ZNF680: variants seen among roughly 807,000 people sequenced by gnomAD.
ZNF680 encodes the protein hypothetical protein FLJ90430.
A neutral mutation model predicts 12.1 loss-of-function variants in ZNF680; 6 were observed. The observed-to-expected ratio is 0.49, with a 90% CI of 0.27 to 0.98. The LOEUF is 0.98. ZNF680 is among the 50% of genes least tolerant of loss of function. The pLI is 0.12. For missense variants in ZNF680, 561 were observed against 616.3 expected (o/e 0.91, Z 0.95); for synonymous variants, 170 against 199.3 (o/e 0.85, Z 1.24).
In ZNF680 at chr7:64,563,062, A is replaced by C; in HGVS notation, c.-108T>G. 7.5e-7 allele frequency: 1 copy of C among 1,334,290 alleles called. No homozygotes were observed. Among genetic ancestry groups the C allele is most frequent in the Non-Finnish European group, 1.1e-6 (1 of 943,052 alleles). 82.7% of individuals were successfully genotyped at this position (1,334,290 alleles called of 1,614,324 possible). On this transcript the variant is annotated 5_prime_UTR_variant, in exon 1 of 4. Coordinates refer to ENST00000309683, the MANE Select transcript of ZNF680 (RefSeq NM_178558.5). ...AGACTAGACCTGGAGCTCCCGCAGC[A>C]GCTAGAGACAAAGGCCCCGCCAAAT...
At chr7:64,557,376 G>GAAA (rs1214199776) in intron 1 of ZNF680, among the ~76,000 whole-genome samples, 2 of 150,764 alleles carry the variant, frequency 1.3e-5, no homozygotes, top group Non-Finnish European at 2.9e-5. Flanking sequence ...CCAACATGGT[G>GAAA]AAACCCCGTC....
the ZNF680 span, among the ~76,000 whole-genome samples, chr7:64,505,456 A>G: frequency 8.5e-5 from 13 of 152,186 alleles, no homozygotes; most frequent in African/African-American, 2.9e-4. Flanking sequence ...CTTTTTCATA[A>G]TAAGTTCAAT....
chr7:64,509,497 CAG>C, the ZNF680 span, among the ~76,000 whole-genome samples: 17 of 152,174 alleles, frequency 1.1e-4, no homozygotes, highest in Admixed American at 3.9e-4. Context: ...TCAAACGAGA[CAG>C]AAATTTTATG....
intron 3 of ZNF680, among the ~76,000 whole-genome samples, chr7:64,540,303 CTTT>C (rs61265238): frequency 4.6e-5 from 6 of 129,112 alleles, no homozygotes; most frequent in Admixed American, 7.9e-5. Context: ...CTGATTTATC[CTTT>C]TTTTTTTTTT....
intron 1 of ZNF680, among the ~76,000 whole-genome samples, chr7:64,562,623 A>G (rs192140913): frequency 2.6e-5 from 4 of 152,346 alleles, no homozygotes; most frequent in Non-Finnish European, 5.9e-5. Flanking sequence ...CTTCCCATTT[A>G]TGAACCCTGC....
intron 1 of ZNF680, among the ~76,000 whole-genome samples, chr7:64,561,639 A>G (rs1004292991): frequency 6.6e-6 from 1 of 152,202 alleles, no homozygotes; most frequent in African/African-American, 2.4e-5. Context: ...TATAGTATCA[A>G]AAATGTACAC....
At chr7:64,515,123 A>G (rs889578023), downstream of ZNF680, among the ~76,000 whole-genome samples, 2 of 152,084 alleles carry the variant, frequency 1.3e-5, no homozygotes, top group Non-Finnish European at 2.9e-5. Flanking sequence ...TTTCAAAGTA[A>G]GTAAGAATTT....
At chr7:64,528,715 C>T (rs1410094602) in intron 3 of ZNF680, among the ~76,000 whole-genome samples, 2 of 152,148 alleles carry the variant, frequency 1.3e-5, no homozygotes, top group Non-Finnish European at 2.9e-5. Flanking sequence ...AGCCCTGCCC[C>T]TACCCAGTGG....
At chr7:64,545,902 A>T (rs1392788734) in intron 1 of ZNF680, among the ~76,000 whole-genome samples, 1 of 152,216 alleles carries the variant, frequency 6.6e-6, no homozygotes, top group East Asian at 1.9e-4. Flanking sequence ...TTGAGTATCC[A>T]CACGTTCCCA....
intron 1 of ZNF680, among the ~76,000 whole-genome samples, chr7:64,550,035 T>G (rs1336793510): frequency 6.6e-6 from 1 of 152,130 alleles, no homozygotes; most frequent in African/African-American, 2.4e-5. Context: ...GTAGACAGTT[T>G]ATTTGGGTCA....
intron 1 of ZNF680, among the ~76,000 whole-genome samples, chr7:64,547,361 T>G (rs1025560978): frequency 2.0e-5 from 3 of 152,234 alleles, no homozygotes; most frequent in Non-Finnish European, 4.4e-5. Context: ...AAGTATCATA[T>G]TCTTTGCTGG....
At chr7:64,515,040 T>TCACA (rs60936039), downstream of ZNF680, among the ~76,000 whole-genome samples, 1,540 of 149,172 alleles carry the variant, frequency 0.01, 14 homozygotes, top group Non-Finnish European at 0.014. Context: ...CAAAACTCTG[T>TCACA]CACACACACA....
the ZNF680 span, among the ~76,000 whole-genome samples, chr7:64,503,948 T>C: frequency 6.6e-6 from 1 of 152,182 alleles, no homozygotes; most frequent in Non-Finnish European, 1.5e-5. Flanking sequence ...AAAGCTAACA[T>C]ATTTTAAACA....
In ZNF680 at chr7:64,521,830, G is replaced by T; in HGVS notation, c.924C>A (p.Thr308=). Residue 308 remains threonine (T), a synonymous_variant, in exon 4 of 4, where the codon ACC becomes ACA. Transcript: ENST00000309683. ...ECHKAFNWFA[T]LTNHKRIHTG... is the part of the protein sequence containing the mutation. Reference sequence around the variant, plus strand: ...TATGAATTCTCTTATGGTTAGTAAGGGTTGCAAACCAGTTAAAGGCTTTGT... The same window carrying T: ...TATGAATTCTCTTATGGTTAGTAAGTGTTGCAAACCAGTTAAAGGCTTTGT... 6.2e-7 allele frequency: 1 copy of T among 1,613,166 alleles called. No homozygotes were observed. The highest frequency in any genetic ancestry group is 8.5e-7 in the Non-Finnish European group (1 of 1,179,616).
At chr7:64,505,548 C>A in the ZNF680 span, among the ~76,000 whole-genome samples, 1 of 152,142 alleles carries the variant, frequency 6.6e-6, no homozygotes, top group African/African-American at 2.4e-5. Flanking sequence ...TGCAGACATG[C>A]TGATTTAATT....
intron 3 of ZNF680, among the ~76,000 whole-genome samples, chr7:64,533,041 G>A (rs1456780194): frequency 2.0e-5 from 3 of 152,158 alleles, no homozygotes; most frequent in African/African-American, 7.2e-5. Flanking sequence ...AGTCATCTAT[G>A]ACAAACCCAC....
chr7:64,556,259 TA>T (rs58056053), intron 1 of ZNF680, among the ~76,000 whole-genome samples: 6,833 of 88,486 alleles, frequency 0.077, 289 homozygotes, highest in East Asian at 0.18. Context: ...TTCACGGAAC[TA>T]AAAAAAAAAA....
At chr7:64,508,142 T>TATATATATATATATATATATATATATAA in the ZNF680 span, among the ~76,000 whole-genome samples, 1 of 112,190 alleles carries the variant, frequency 8.9e-6, no homozygotes, top group East Asian at 2.9e-4. Flanking sequence ...TATATATATA[T>TATATATATATATATATATATATATATAA]ACATAATTTT....
intron 1 of ZNF680, among the ~76,000 whole-genome samples, 166 bp downstream of exon 1, chr7:64,562,759 C>T (rs987396968): frequency 6.6e-6 from 1 of 152,204 alleles, no homozygotes; most frequent in Non-Finnish European, 1.5e-5. Flanking sequence ...TCAGCCCAGC[C>T]GCCATCTTAT....
Sources: gnomAD v4.1 joint callset for allele counts (sites outside exome capture counted in the v4.1 genomes callset) on GRCh38, gnomAD v4.1.1 for gene constraint, MANE v1.5 for transcripts, NCBI Gene and HGNC (gene_info 2026-07-23, HGNC 2026-07-21) for gene names.